GLIS1: variants seen among roughly 807,000 people sequenced by gnomAD.
GLIS1 encodes GLIS family zinc finger 1, also known as zinc finger protein GLIS1.
In GLIS1, 24 loss-of-function variants were observed where a neutral mutation model predicts 63.8. That is an observed-to-expected ratio of 0.38 (90% CI 0.27 to 0.53). GLIS1 has a LOEUF of 0.53. GLIS1 is among the 20% of genes least tolerant of loss of function. The pLI is 0.85. For synonymous variants in GLIS1, 450 were observed against 482.5 expected, an observed-to-expected ratio of 0.93 and a Z score of 0.88; for missense variants, 1,036 against 1,074.1, an observed-to-expected ratio of 0.96 and a Z score of 0.50.
At position 53,522,505 on chromosome 1, in the gene GLIS1, G is replaced by C. The variant is rs1056373697; in HGVS notation, c.1594-1739C>G. On this transcript the variant is annotated intron_variant, in intron 6 of 10. Transcript: ENST00000628545. Reference sequence around the variant, plus strand: ...GTCCCCACTCAGGCCCTCAACCTGAGAGCAGTGAACGGAGCTCAGGCCCTG... The same window carrying C: ...GTCCCCACTCAGGCCCTCAACCTGACAGCAGTGAACGGAGCTCAGGCCCTG... Among the ~76,000 whole-genome samples, 14 of 152,226 alleles carry C rather than the reference G, an allele frequency of 9.2e-5. No homozygotes were observed. The East Asian group carries it at 2.3e-3, about 25-fold the overall frequency.
chr1:53,659,386 T>C (rs562982852), intron 2 of GLIS1, among the ~76,000 whole-genome samples: 2 of 152,226 alleles, frequency 1.3e-5, no homozygotes, highest in South Asian at 2.1e-4. Flanking sequence ...CCATCACTAG[T>C]TGTCCATTCA....
intron 2 of GLIS1, among the ~76,000 whole-genome samples, chr1:53,654,868 G>A (rs1352296806): frequency 6.6e-6 from 1 of 152,218 alleles, no homozygotes; most frequent in Non-Finnish European, 1.5e-5. Flanking sequence ...CTCTTTCCAA[G>A]AGTTTTGCTC....
At position 53,539,923 on chromosome 1, in the gene GLIS1, C is replaced by T. The variant is rs372622439; in HGVS notation, c.1321-9971G>A. ...AGCCCAATGTCTACTTCCCTCCCCA[C>T]GCTGCAGCCACAGGCCACACATTGC... On this transcript the variant is annotated intron_variant, in intron 4 of 10. Coordinates refer to ENST00000628545, the MANE Select transcript of GLIS1 (RefSeq NM_001367484.1). This position sits in a 1 kb window ranked among gnomAD's most constrained non-coding sequence, Gnocchi z 5.0. Among the ~76,000 whole-genome samples, 11 of 152,156 alleles carry T rather than the reference C, an allele frequency of 7.2e-5. No individual in the cohort carries two copies. The highest frequency in any genetic ancestry group is 1.3e-4 in the Admixed American group (2 of 15,282).
At chr1:53,720,290 C>T (rs187000976) in intron 2 of GLIS1, among the ~76,000 whole-genome samples, 38 of 152,220 alleles carry the variant, frequency 2.5e-4, no homozygotes, top group African/African-American at 9.1e-4. Context: ...AGAGAAAATG[C>T]GGTATAAATA....
chr1:53,623,341 C>T (rs959479539), intron 2 of GLIS1, among the ~76,000 whole-genome samples: 4 of 151,926 alleles, frequency 2.6e-5, no homozygotes, highest in African/African-American at 4.8e-5. Context: ...AAAAGTAGTA[C>T]CCACTGATGA....
chr1:53,604,932 G>GTATATATA (rs1553128443), intron 2 of GLIS1, among the ~76,000 whole-genome samples: 1 of 36,322 alleles, frequency 2.8e-5, no homozygotes, highest in African/African-American at 3.7e-5. Flanking sequence ...GTGTGTGTGT[G>GTATATATA]TATATATATA....
At chr1:53,518,116 G>A (rs1056306814) in intron 7 of GLIS1, among the ~76,000 whole-genome samples, 1 of 152,192 alleles carries the variant, frequency 6.6e-6, no homozygotes, top group African/African-American at 2.4e-5. Context: ...GAACCCAGCA[G>A]GCCGGATCCT....
intron 2 of GLIS1, among the ~76,000 whole-genome samples, chr1:53,673,806 TGG>T (rs1646180765): frequency 1.3e-5 from 2 of 152,196 alleles, no homozygotes; most frequent in African/African-American, 4.8e-5. Context: ...GCACGGTAGG[TGG>T]TGAAGTCCGC....
chr1:53,584,087 T>C (rs1645111354), intron 4 of GLIS1, among the ~76,000 whole-genome samples: 1 of 152,086 alleles, frequency 6.6e-6, no homozygotes, highest in African/African-American at 2.4e-5. Flanking sequence ...CAGATTTGAG[T>C]GGACTGCCCT....
intron 2 of GLIS1, among the ~76,000 whole-genome samples, chr1:53,649,529 A>C (rs1185413769): frequency 6.6e-6 from 1 of 152,224 alleles, no homozygotes; most frequent in African/African-American, 2.4e-5. Context: ...TAAACTTTGA[A>C]TAACACCATA....
intron 4 of GLIS1, among the ~76,000 whole-genome samples, chr1:53,586,588 A>G (rs919010631): frequency 4.6e-5 from 7 of 152,242 alleles, no homozygotes; most frequent in Non-Finnish European, 8.8e-5. Context: ...TCAAAGCCTC[A>G]CAACAGTCCT....
intron 4 of GLIS1, among the ~76,000 whole-genome samples, chr1:53,559,636 C>T (rs1274771578): frequency 6.6e-6 from 1 of 152,170 alleles, no homozygotes; most frequent in African/African-American, 2.4e-5. Context: ...CAATGCGGGA[C>T]AGAGCCTGGT....
At position 53,672,868 on chromosome 1, in the gene GLIS1, A is replaced by G. The variant is rs533577532; in HGVS notation, c.259+64938T>C. 2.2e-3 allele frequency among the ~76,000 whole-genome samples: 336 copies of G among 152,324 alleles called. 2 individuals carry two copies. The highest frequency in any genetic ancestry group is 7.7e-3 in the African/African-American group (321 of 41,580). On this transcript the variant is annotated intron_variant, in intron 2 of 10. Coordinates refer to ENST00000628545, the MANE Select transcript of GLIS1 (RefSeq NM_001367484.1). ...TGATCTCCCAAATGTAGCTGCCCAC[A>G]GTGGCAAGAGCGCCCTGGAGCTGCT...
intron 2 of GLIS1, among the ~76,000 whole-genome samples, chr1:53,709,743 C>G (rs891118347): frequency 6.6e-6 from 1 of 152,160 alleles, no homozygotes; most frequent in African/African-American, 2.4e-5. Context: ...CCATTCATCT[C>G]TGCATAGTGT....
At chr1:53,684,776 A>G (rs1372965352) in intron 2 of GLIS1, among the ~76,000 whole-genome samples, 1 of 152,170 alleles carries the variant, frequency 6.6e-6, no homozygotes, top group Non-Finnish European at 1.5e-5. Flanking sequence ...GCAGGCTCCC[A>G]GCACCCCTAC....
intron 2 of GLIS1, among the ~76,000 whole-genome samples, chr1:53,730,186 CA>C (rs1169829015): frequency 6.6e-6 from 1 of 151,968 alleles, no homozygotes; most frequent in Non-Finnish European, 1.5e-5. Context: ...CAGTGACAAG[CA>C]AAAAACTCCG....
Position 53,606,517 on chromosome 1 carries a change from C to T in GLIS1, c.260-6239G>A, listed in dbSNP as rs191294515. Among the ~76,000 whole-genome samples, 319 of 152,238 alleles carry T rather than the reference C, an allele frequency of 2.1e-3. 2 individuals are homozygous for T. The highest frequency in any genetic ancestry group is 6.7e-3 in the Admixed American group (103 of 15,288). The stretch of plus-strand genomic sequence containing the variant: ...GAGCAGCTCACCGCAGGACACACAG[C>T]AGAGACAGAGCCCGAGCAGCGTTCA... On this transcript the variant is annotated intron_variant, in intron 2 of 10. Coordinates refer to ENST00000628545, the MANE Select transcript of GLIS1 (RefSeq NM_001367484.1).
intron 2 of GLIS1, among the ~76,000 whole-genome samples, chr1:53,673,950 T>C (rs1219836352): frequency 6.6e-6 from 1 of 152,124 alleles, no homozygotes; most frequent in Non-Finnish European, 1.5e-5. Flanking sequence ...GGTGGTCGGA[T>C]GACTTGAGGT....
intron 2 of GLIS1, among the ~76,000 whole-genome samples, chr1:53,656,263 C>T (rs937660524): frequency 3.3e-5 from 5 of 152,222 alleles, no homozygotes; most frequent in African/African-American, 1.2e-4. Flanking sequence ...CATTCCACTC[C>T]ACCCCAGAGG....
Sources: allele counts gnomAD v4.1 joint callset (sites outside exome capture counted in the v4.1 genomes callset), GRCh38; gene constraint gnomAD v4.1.1; non-coding constraint Gnocchi (gnomAD v3.1); transcripts MANE v1.5; gene names NCBI Gene and HGNC (gene_info 2026-07-23, HGNC 2026-07-21).